CACNA2D3: variants seen among roughly 807,000 people sequenced by gnomAD.
The protein encoded by CACNA2D3 is voltage-dependent calcium channel subunit alpha-2/delta-3.
A neutral mutation model predicts 160.6 loss-of-function variants in CACNA2D3; 60 were observed. The ratio of observed to expected loss-of-function variants is 0.37; its 90% CI spans 0.30 to 0.46. CACNA2D3 has a LOEUF of 0.46. Among genes scored for constraint, CACNA2D3 ranks in the 20% least tolerant of loss-of-function variants. CACNA2D3 has a pLI of 1.00. For synonymous variants in CACNA2D3, 558 were observed against 492.9 expected, an observed-to-expected ratio of 1.13 and a Z score of -1.75; for missense variants, 1,205 against 1,365.0, an observed-to-expected ratio of 0.88 and a Z score of 1.85.
At chr3:54,382,874 G>T (rs1002632890) in intron 3 of CACNA2D3, among the ~76,000 whole-genome samples, 11 of 152,198 alleles carry the variant, frequency 7.2e-5, no homozygotes, top group African/African-American at 2.7e-4. Context: ...TTGAGATAGG[G>T]TCTTGTTCTG....
intron 25 of CACNA2D3, 98 bp from the exon 26 acceptor site, chr3:54,896,651 G>C: frequency 6.8e-7 from 1 of 1,468,538 alleles, no homozygotes; most frequent in East Asian, 2.3e-5. Flanking sequence ...TTCTAAAAGT[G>C]AACACTGGTT....
Position 54,194,686 on chromosome 3 carries a change from G to A in CACNA2D3, c.204+71092G>A, listed in dbSNP as rs533368818. ...CAAGATTAAGGCACTGGCAGGTTTG[G>A]TTTCACGTGAAGATGCGTTCCTCAT... On this transcript the variant is annotated intron_variant, in intron 2 of 37. Transcript: ENST00000474759. Among the ~76,000 whole-genome samples the A allele has an allele frequency of 2.7e-3, 406 of 152,308 alleles. 5 individuals are homozygous for A. The highest frequency in any genetic ancestry group is 4.4e-3 in the Non-Finnish European group (297 of 68,024).
At chr3:54,310,371 C>T (rs949709190) in intron 2 of CACNA2D3, among the ~76,000 whole-genome samples, 5 of 152,122 alleles carry the variant, frequency 3.3e-5, no homozygotes, top group Non-Finnish European at 7.3e-5. Context: ...AAGAGGAATA[C>T]TAAGCACATT....
chr3:54,960,095 A>G (rs965117228), intron 27 of CACNA2D3, among the ~76,000 whole-genome samples: 1 of 151,432 alleles, frequency 6.6e-6, no homozygotes. Context: ...AAAAAAAACC[A>G]AAGTGATTAT....
chr3:54,751,268 G>C (rs544409542), intron 11 of CACNA2D3, among the ~76,000 whole-genome samples: 3 of 152,268 alleles, frequency 2.0e-5, no homozygotes, highest in African/African-American at 7.2e-5. Context: ...GATAAATAAA[G>C]TAATGGCCTT....
intron 23 of CACNA2D3, among the ~76,000 whole-genome samples, chr3:54,885,910 C>T (rs778740306): frequency 9.2e-5 from 14 of 152,274 alleles, no homozygotes; most frequent in Non-Finnish European, 2.1e-4. Context: ...CCTTATTTTG[C>T]AAATGAGAAA....
chr3:54,381,736 C>T (rs1435603102), intron 3 of CACNA2D3, among the ~76,000 whole-genome samples: 1 of 152,136 alleles, frequency 6.6e-6, no homozygotes, highest in Non-Finnish European at 1.5e-5. Context: ...TTAATATCCC[C>T]GCTATTCCCC....
At chr3:54,769,916 G>T (rs1167311296) in intron 13 of CACNA2D3, among the ~76,000 whole-genome samples, 1 of 152,162 alleles carries the variant, frequency 6.6e-6, no homozygotes, top group Non-Finnish European at 1.5e-5. Flanking sequence ...ATGTCTGGGG[G>T]TGGGTGCCTG....
intron 4 of CACNA2D3, among the ~76,000 whole-genome samples, chr3:54,450,875 A>T (rs952111003): frequency 1.3e-5 from 2 of 152,172 alleles, no homozygotes; most frequent in Admixed American, 1.3e-4. Flanking sequence ...GGTGTGGTGC[A>T]TCCTGGGACA....
chr3:54,886,507 A>T (rs2106855714), intron 23 of CACNA2D3, among the ~76,000 whole-genome samples: 1 of 151,718 alleles, frequency 6.6e-6, no homozygotes, highest in African/African-American at 2.4e-5. Flanking sequence ...TGCCACACTT[A>T]CTCCAGGTGC....
intron 4 of CACNA2D3, among the ~76,000 whole-genome samples, chr3:54,479,357 A>C (rs1003936640): frequency 2.0e-5 from 3 of 152,190 alleles, no homozygotes; most frequent in Non-Finnish European, 4.4e-5. Context: ...CTAATACAAT[A>C]GGGTTCAGTA....
chr3:54,711,524 T>C (rs948623532), intron 11 of CACNA2D3, among the ~76,000 whole-genome samples: 3 of 152,184 alleles, frequency 2.0e-5, no homozygotes, highest in Non-Finnish European at 2.9e-5. Flanking sequence ...GAGGGAGTTC[T>C]TCCCTACCCC....
intron 2 of CACNA2D3, among the ~76,000 whole-genome samples, chr3:54,261,487 G>A (rs376592638): frequency 6.6e-6 from 1 of 152,214 alleles, no homozygotes. Flanking sequence ...TGCTTGGCAT[G>A]CAGTGGTTGC....
At position 54,638,390 on chromosome 3, in the gene CACNA2D3, T is replaced by C. The variant is rs187734013; in HGVS notation, c.1054-3738T>C. 14 of 152,078 alleles carry C rather than the reference T, an allele frequency of 9.2e-5. No individual in the cohort carries two copies. The East Asian group carries it at 1.5e-3, about 17-fold the overall frequency. The allele number at this position is 152,078 out of a possible 1,614,324, so 9.4% of individuals were successfully genotyped here. ...CTCCAGCCACCTTTTTAAGAATAAA[T>C]TGCTGGGCAGGTCGGGGAGGGCTAG... On this transcript the variant is annotated intron_variant, in intron 10 of 37. Coordinates refer to ENST00000474759, the MANE Select transcript of CACNA2D3 (RefSeq NM_018398.3).
At chr3:54,663,264 G>C (rs1468146768) in intron 11 of CACNA2D3, among the ~76,000 whole-genome samples, 2 of 152,224 alleles carry the variant, frequency 1.3e-5, no homozygotes, top group Admixed American at 6.5e-5. Context: ...TGTGTGGGAA[G>C]ATCTGTGGAT....
chr3:54,819,701 C>G lies in CACNA2D3; in HGVS notation c.1398+2831C>G, dbSNP rs150163271. Among the ~76,000 whole-genome samples, 1,028 of 152,158 alleles carry G rather than the reference C, an allele frequency of 6.8e-3. 8 individuals are homozygous for G. The highest frequency in any genetic ancestry group is 0.01 in the Non-Finnish European group (710 of 68,012). Reference sequence around the variant, plus strand: ...CTCTTCTAAAAATACAAAAATTAGCCGGGCGTGGTGGCGCACACCTATAGT... The same window carrying G: ...CTCTTCTAAAAATACAAAAATTAGCGGGGCGTGGTGGCGCACACCTATAGT... On this transcript the variant is annotated intron_variant, in intron 14 of 37. Transcript: ENST00000474759.
intron 4 of CACNA2D3, among the ~76,000 whole-genome samples, chr3:54,403,032 A>T (rs76417903): frequency 6.6e-6 from 1 of 152,158 alleles, no homozygotes; most frequent in African/African-American, 2.4e-5. Flanking sequence ...TGAACAACCC[A>T]GTGGGTCAAA....
intron 2 of CACNA2D3, among the ~76,000 whole-genome samples, chr3:54,153,217 G>A (rs188448532): frequency 4.5e-4 from 68 of 152,290 alleles, no homozygotes; most frequent in Non-Finnish European, 6.8e-4. Flanking sequence ...AAAAATGACA[G>A]TGCTCTCCTG....
chr3:54,468,320 G>A (rs1241757350), intron 4 of CACNA2D3, among the ~76,000 whole-genome samples: 1 of 152,240 alleles, frequency 6.6e-6, no homozygotes. Flanking sequence ...CACCTGGGAA[G>A]TGCAAGGGGT....
Sources: allele counts gnomAD v4.1 joint callset (sites outside exome capture counted in the v4.1 genomes callset), GRCh38; gene constraint gnomAD v4.1.1; transcripts MANE v1.5; gene names NCBI Gene and HGNC (gene_info 2026-07-23, HGNC 2026-07-21).